NRXN3: variants seen among roughly 807,000 people sequenced by gnomAD.
The protein encoded by NRXN3 is neurexin III.
In NRXN3, 32 loss-of-function variants were observed where a neutral mutation model predicts 137.6. The observed-to-expected ratio is 0.23, with a 90% CI of 0.18 to 0.31. NRXN3 has a LOEUF of 0.31. NRXN3 is among the 10% of genes least tolerant of loss of function. NRXN3 has a pLI of 1.00. For missense variants in NRXN3, 1,574 were observed against 2,062.5 expected (o/e 0.76, Z 4.59); for synonymous variants, 798 against 784.5 (o/e 1.02, Z -0.29).
chr14:78,779,062 T>C lies in NRXN3; in HGVS notation c.2045-24558T>C, dbSNP rs1325768045. ...AAACCAACATAGACCCAATTTTATA[T>C]CATTAAACCATCTTCTATTCTAAAG... On this transcript the variant is annotated intron_variant, in intron 8 of 20. Transcript: ENST00000335750. Among the ~76,000 whole-genome samples, 3 of 151,972 alleles carry C rather than the reference T, an allele frequency of 2.0e-5. 1 individual carries two copies. The highest frequency in any genetic ancestry group is 2.0e-4 in the Admixed American group (3 of 15,232).
intron 4 of NRXN3, among the ~76,000 whole-genome samples, chr14:78,360,229 T>C (rs1041698218): frequency 6.6e-6 from 1 of 152,154 alleles, no homozygotes; most frequent in Admixed American, 6.5e-5. Context: ...TTCCACCTTC[T>C]TAAAGATGCA....
intron 15 of NRXN3, among the ~76,000 whole-genome samples, chr14:79,065,454 A>C (rs1213817343): frequency 6.6e-6 from 1 of 152,166 alleles, no homozygotes; most frequent in African/African-American, 2.4e-5. Context: ...AAGGGTGGCC[A>C]TGTAGCCTAT....
intron 15 of NRXN3, among the ~76,000 whole-genome samples, chr14:79,014,542 G>A (rs971334316): frequency 6.6e-6 from 1 of 152,104 alleles, no homozygotes; most frequent in Non-Finnish European, 1.5e-5. Flanking sequence ...CTTTGCTATT[G>A]TGAATAGTGC....
intron 15 of NRXN3, among the ~76,000 whole-genome samples, chr14:79,033,400 G>A (rs545542741): frequency 2.0e-5 from 3 of 152,098 alleles, no homozygotes; most frequent in Non-Finnish European, 4.4e-5. Context: ...CCACTGAAGG[G>A]AACAGTGTAG....
intron 15 of NRXN3, among the ~76,000 whole-genome samples, chr14:79,277,709 G>A (rs1185238684): frequency 6.6e-6 from 1 of 152,138 alleles, no homozygotes; most frequent in Non-Finnish European, 1.5e-5. Context: ...CCCTTGCTGT[G>A]GTGTCCCTGA....
intron 8 of NRXN3, among the ~76,000 whole-genome samples, chr14:78,764,482 A>G (rs1272273638): frequency 2.0e-5 from 3 of 152,180 alleles, no homozygotes; most frequent in Non-Finnish European, 2.9e-5. Context: ...TAAGCTGCCC[A>G]CCTATCACAC....
chr14:78,862,267 G>A (rs2099074474), intron 10 of NRXN3, among the ~76,000 whole-genome samples: 3 of 151,748 alleles, frequency 2.0e-5, no homozygotes, highest in African/African-American at 7.3e-5. Context: ...TAGATAGATA[G>A]ATAAATAGAT....
intron 4 of NRXN3, among the ~76,000 whole-genome samples, chr14:78,475,173 T>C (rs2095356862): frequency 6.6e-6 from 1 of 152,100 alleles, no homozygotes; most frequent in African/African-American, 2.4e-5. Context: ...GCATGAGGGG[T>C]ACAGGGAGAC....
intron 4 of NRXN3, among the ~76,000 whole-genome samples, chr14:78,534,319 G>T (rs1421918534): frequency 6.6e-6 from 1 of 152,160 alleles, no homozygotes; most frequent in Non-Finnish European, 1.5e-5. Flanking sequence ...AATGACTATA[G>T]ATAAATGCTG....
intron 16 of NRXN3, among the ~76,000 whole-genome samples, chr14:79,555,542 G>T (rs1449550291): frequency 6.6e-6 from 1 of 152,002 alleles, no homozygotes; most frequent in African/African-American, 2.4e-5. Flanking sequence ...AGTATAATAG[G>T]AATATATACA....
At chr14:79,786,762 T>C (rs535520956) in intron 19 of NRXN3, among the ~76,000 whole-genome samples, 1 of 152,232 alleles carries the variant, frequency 6.6e-6, no homozygotes, top group Non-Finnish European at 1.5e-5. Context: ...AACAGTCTAG[T>C]GCATTAATGT....
intron 6 of NRXN3, among the ~76,000 whole-genome samples, chr14:78,668,221 G>C (rs977575105): frequency 2.6e-5 from 4 of 152,182 alleles, no homozygotes; most frequent in Non-Finnish European, 4.4e-5. Flanking sequence ...GTGTCCCATT[G>C]AGGTCTAAAA....
intron 1 of NRXN3, among the ~76,000 whole-genome samples, chr14:78,225,974 G>GTTGGTGTGT (rs1394081828): frequency 1.5e-3 from 184 of 123,702 alleles, no homozygotes; most frequent in Middle Eastern, 4.2e-3. Context: ...TGTGTGTGTT[G>GTTGGTGTGT]GTGTGTGTGT....
chr14:78,397,883 G>T (rs1173053628), intron 4 of NRXN3, among the ~76,000 whole-genome samples: 2 of 151,264 alleles, frequency 1.3e-5, no homozygotes, highest in African/African-American at 2.4e-5. Flanking sequence ...GGGATTACAG[G>T]CATGAGCCAC....
intron 15 of NRXN3, among the ~76,000 whole-genome samples, chr14:79,059,520 G>C (rs2099671530): frequency 6.6e-6 from 1 of 151,952 alleles, no homozygotes; most frequent in Non-Finnish European, 1.5e-5. Flanking sequence ...ACCTCCCAAA[G>C]TGCTGGGATT....
At chr14:79,403,420 A>G (rs1271121951) in intron 15 of NRXN3, among the ~76,000 whole-genome samples, 2 of 152,176 alleles carry the variant, frequency 1.3e-5, no homozygotes, top group African/African-American at 4.8e-5. Flanking sequence ...AGGAAAAAGG[A>G]AGAGAGAAAG....
intron 4 of NRXN3, among the ~76,000 whole-genome samples, chr14:78,521,950 A>G (rs996368384): frequency 2.0e-5 from 3 of 152,210 alleles, no homozygotes; most frequent in African/African-American, 7.2e-5. Context: ...AATTTCACTG[A>G]TAAGTGAGCA....
chr14:78,389,299 G>A (rs551745555), intron 4 of NRXN3, among the ~76,000 whole-genome samples: 37 of 152,084 alleles, frequency 2.4e-4, no homozygotes, highest in African/African-American at 7.7e-4. Flanking sequence ...CAGGTGATCC[G>A]TCCTCCTCAG....
intron 16 of NRXN3, among the ~76,000 whole-genome samples, chr14:79,566,674 C>T (rs1237938823): frequency 6.6e-6 from 1 of 152,090 alleles, no homozygotes; most frequent in African/African-American, 2.4e-5. Flanking sequence ...GCCTCAAACC[C>T]AGTGCCCTTC....
Sources: gnomAD v4.1 joint callset for allele counts (sites outside exome capture counted in the v4.1 genomes callset) on GRCh38, gnomAD v4.1.1 for gene constraint, MANE v1.5 for transcripts, NCBI Gene and HGNC (gene_info 2026-07-23, HGNC 2026-07-21) for gene names.